The following SUCLG2 variants were observed in gnomAD, a reference collection of about 807,000 sequenced individuals.
SUCLG2 encodes succinate-CoA ligase GDP-forming subunit beta, also known as succinate--CoA ligase [GDP-forming] subunit beta, mitochondrial.
Under a neutral mutation model 47.9 loss-of-function variants are expected in SUCLG2, and 42 were observed. That is an observed-to-expected ratio of 0.88 (90% confidence interval 0.69 to 1.14). SUCLG2 has a LOEUF of 1.14. SUCLG2 is among the 50% of genes most tolerant of loss of function. The probability of loss-of-function intolerance (pLI) is 0.00; values close to 1 mark genes in which losing one functional copy is unlikely to be tolerated. For synonymous variants in SUCLG2, 195 were observed against 197.3 expected (o/e 0.99, Z 0.10); for missense variants, 571 against 525.9 (o/e 1.09, Z -0.84).
At chr3:67,394,698 G>C (rs1470626073) in intron 10 of SUCLG2, among the ~76,000 whole-genome samples, 2 of 151,052 alleles carry the variant, frequency 1.3e-5, no homozygotes, top group Non-Finnish European at 3.0e-5. Flanking sequence ...CTCGAGAAGA[G>C]CAACTCCAAG....
At chr3:67,623,498 C>A (rs1231381334) in intron 1 of SUCLG2, among the ~76,000 whole-genome samples, 1 of 151,974 alleles carries the variant, frequency 6.6e-6, no homozygotes, top group Admixed American at 6.6e-5. Flanking sequence ...GAGACTCCAT[C>A]TTAAGAAACA....
intron 9 of SUCLG2, among the ~76,000 whole-genome samples, chr3:67,443,226 G>T (rs1703817922): frequency 6.6e-6 from 1 of 152,072 alleles, no homozygotes; most frequent in Admixed American, 6.6e-5. Flanking sequence ...TTTGGTATCT[G>T]CAAGGGAGTC....
chr3:67,401,809 A>C (rs775792855), intron 9 of SUCLG2, among the ~76,000 whole-genome samples: 10 of 152,252 alleles, frequency 6.6e-5, no homozygotes, highest in Admixed American at 1.3e-4. Context: ...TGTGCTGCAT[A>C]GAATCCTATT....
chr3:67,447,861 T>C (rs1376016685), intron 9 of SUCLG2, among the ~76,000 whole-genome samples: 2 of 152,116 alleles, frequency 1.3e-5, no homozygotes, highest in Non-Finnish European at 2.9e-5. Context: ...CCTGAGTAGC[T>C]GGGATTATAG....
intron 10 of SUCLG2, among the ~76,000 whole-genome samples, chr3:67,383,180 G>C (rs1702194615): frequency 6.6e-6 from 1 of 152,186 alleles, no homozygotes; most frequent in African/African-American, 2.4e-5. Context: ...TCGAGATACT[G>C]ACAAGGGTTT....
chr3:67,507,306 A>G (rs987181707), intron 7 of SUCLG2, among the ~76,000 whole-genome samples: 4 of 152,196 alleles, frequency 2.6e-5, no homozygotes, highest in African/African-American at 7.2e-5. Flanking sequence ...ATTATCTTCA[A>G]TGGCTTCCTA....
intron 2 of SUCLG2, 114 bp downstream of exon 2, chr3:67,609,341 G>T (rs562905261): frequency 7.9e-7 from 1 of 1,264,166 alleles, no homozygotes; most frequent in Non-Finnish European, 1.1e-6. Flanking sequence ...GCTCTCCCCT[G>T]TATCTGTCCC....
intron 10 of SUCLG2, among the ~76,000 whole-genome samples, chr3:67,384,918 T>G (rs1221517018): frequency 1.3e-5 from 2 of 152,176 alleles, no homozygotes; most frequent in Non-Finnish European, 2.9e-5. Context: ...CTGAAACATT[T>G]CTCATGAAGT....
At chr3:67,454,862 T>A (rs1028013188) in intron 9 of SUCLG2, among the ~76,000 whole-genome samples, 3 of 150,374 alleles carry the variant, frequency 2.0e-5, no homozygotes, top group East Asian at 4.0e-4. Context: ...CTTGAGAGAC[T>A]GAGGCAGGAG....
intron 9 of SUCLG2, among the ~76,000 whole-genome samples, chr3:67,467,214 T>A (rs919902854): frequency 1.3e-5 from 2 of 152,234 alleles, no homozygotes; most frequent in African/African-American, 4.8e-5. Flanking sequence ...CACACCTAGA[T>A]ACACAATAAC....
In SUCLG2 at chr3:67,520,468, G is replaced by A. The variant is rs149709855; in HGVS notation, c.570+14C>T. On this transcript the variant is annotated intron_variant, in intron 5 of 10. Coordinates refer to ENST00000307227, the MANE Select transcript of SUCLG2 (RefSeq NM_003848.4). ...CAATCAATTAATAGCAGGTAGCCCG[G>A]AATTTAAACATACCTTAAAAATGAG... 1,638 of 1,613,866 alleles carry A rather than the reference G, an allele frequency of 1.0e-3. 2 individuals are homozygous for A. The highest frequency in any genetic ancestry group is 1.2e-3 in the Non-Finnish European group (1,414 of 1,179,856).
intron 6 of SUCLG2, among the ~76,000 whole-genome samples, chr3:67,515,644 C>G (rs150536173): frequency 2.0e-5 from 3 of 152,014 alleles, no homozygotes; most frequent in Non-Finnish European, 4.4e-5. Context: ...TTCAAAGTCA[C>G]GTTGAACCTA....
At chr3:67,464,410 C>A (rs771385051) in intron 9 of SUCLG2, among the ~76,000 whole-genome samples, 38 of 152,296 alleles carry the variant, frequency 2.5e-4, no homozygotes, top group Non-Finnish European at 3.1e-4. Flanking sequence ...TCAAATGGGA[C>A]ATCCCCAATT....
chr3:67,424,799 T>C (rs55887942), intron 9 of SUCLG2, among the ~76,000 whole-genome samples: 70,134 of 151,856 alleles, frequency 0.46, 16,887 homozygotes, highest in Non-Finnish European at 0.54. Flanking sequence ...ACGATGATTA[T>C]AGAAGTGGCA....
chr3:67,625,103 T>G (rs1038631359), intron 1 of SUCLG2, among the ~76,000 whole-genome samples: 2 of 152,222 alleles, frequency 1.3e-5, no homozygotes, highest in African/African-American at 4.8e-5. Context: ...AGTGAAATGC[T>G]AGATGATATT....
chr3:67,450,849 C>A (rs1704039872), intron 9 of SUCLG2, among the ~76,000 whole-genome samples: 1 of 152,176 alleles, frequency 6.6e-6, no homozygotes, highest in Non-Finnish European at 1.5e-5. Flanking sequence ...TCTCTAGTCC[C>A]TAACACATAA....
chr3:67,620,359 TG>T (rs1700712012), intron 1 of SUCLG2, among the ~76,000 whole-genome samples: 1 of 151,992 alleles, frequency 6.6e-6, no homozygotes, highest in South Asian at 2.1e-4. Context: ...CCAAGGCAGA[TG>T]GATCACCTGA....
At chr3:67,640,935 T>C (rs1310935311) in intron 1 of SUCLG2, among the ~76,000 whole-genome samples, 2 of 152,186 alleles carry the variant, frequency 1.3e-5, no homozygotes, top group Admixed American at 6.5e-5. Context: ...GGTAGTAAAA[T>C]GTTAGTGTTT....
Position 67,443,361 on chromosome 3 carries a change from G to A in SUCLG2, c.1063-42510C>T, listed in dbSNP as rs1393537740. 7.7e-5 allele frequency among the ~76,000 whole-genome samples: 5 copies of A among 64,544 alleles called. 2 individuals are homozygous for A. The highest frequency in any genetic ancestry group is 2.2e-4 in the African/African-American group (4 of 18,360). The allele number at this position is 64,544 out of a possible 152,430, so 42.3% of individuals were successfully genotyped here. On this transcript the variant is annotated intron_variant, in intron 9 of 10. Coordinates refer to ENST00000307227, the MANE Select transcript of SUCLG2 (RefSeq NM_003848.4). ...GCCGCCGCGCCGGCGAGCGCCCCTC[G>A]GGAGGCAGCGGCTGGAGGAGCGGAC...
Sources: gnomAD v4.1 joint callset for allele counts (sites outside exome capture counted in the v4.1 genomes callset) on GRCh38, gnomAD v4.1.1 for gene constraint, MANE v1.5 for transcripts, NCBI Gene and HGNC (gene_info 2026-07-23, HGNC 2026-07-21) for gene names.